Variants in ENOX1 observed in about 807,000 individuals in gnomAD.
ENOX1 encodes the protein ecto-NOX disulfide-thiol exchanger 1, also known as candidate growth-related and time keeping constitutive hydroquinone (NADH) oxidase.
ENOX1 carries 42 observed loss-of-function variants against 82.5 expected under a neutral mutation model. That is an observed-to-expected ratio of 0.51 (90% CI 0.40 to 0.66). The LOEUF (loss-of-function observed/expected upper bound fraction) is 0.66. ENOX1 is among the 30% of genes least tolerant of loss of function. ENOX1 has a pLI of 0.00. For missense variants in ENOX1, 608 were observed against 811.6 expected, an observed-to-expected ratio of 0.75 and a Z score of 3.05; for synonymous variants, 271 against 282.2, an observed-to-expected ratio of 0.96 and a Z score of 0.40.
chr13:43,306,846 C>T (rs1180519410), intron 11 of ENOX1, among the ~76,000 whole-genome samples: 1 of 135,130 alleles, frequency 7.4e-6, no homozygotes, highest in Non-Finnish European at 1.6e-5. Context: ...CGCACACACA[C>T]AGTTATATTA....
intron 2 of ENOX1, among the ~76,000 whole-genome samples, chr13:43,488,153 G>C (rs765359566): frequency 1.3e-5 from 2 of 152,208 alleles, no homozygotes; most frequent in African/African-American, 2.4e-5. Flanking sequence ...TAATCAAGGA[G>C]AGTTCTATGG....
chr13:43,686,392 A>C (rs1018947626), intron 1 of ENOX1, among the ~76,000 whole-genome samples: 3 of 152,176 alleles, frequency 2.0e-5, no homozygotes, highest in African/African-American at 7.2e-5. Context: ...ACATCCAATA[A>C]ATTTTGAAAG....
intron 12 of ENOX1, among the ~76,000 whole-genome samples, chr13:43,290,758 G>A (rs920471857): frequency 3.2e-4 from 49 of 152,178 alleles, no homozygotes; most frequent in African/African-American, 1.2e-3. Context: ...TGGGTGCAGC[G>A]GCTCCCGCCT....
chr13:43,377,016 T>A (rs1458503267), intron 5 of ENOX1, among the ~76,000 whole-genome samples: 1 of 152,196 alleles, frequency 6.6e-6, no homozygotes, highest in Non-Finnish European at 1.5e-5. Flanking sequence ...TTAGCTATGA[T>A]GTTCACTGCC....
chr13:43,725,238 AG>A (rs2088859941), intron 1 of ENOX1, among the ~76,000 whole-genome samples: 1 of 152,194 alleles, frequency 6.6e-6, no homozygotes, highest in African/African-American at 2.4e-5. Flanking sequence ...GAAACCAAAT[AG>A]GGTCTCCCTT....
intron 2 of ENOX1, among the ~76,000 whole-genome samples, chr13:43,594,087 G>C (rs1430997477): frequency 1.3e-5 from 2 of 152,192 alleles, no homozygotes; most frequent in Non-Finnish European, 2.9e-5. Flanking sequence ...AAGATGCACA[G>C]ATACTTCCCT....
chr13:43,474,494 T>A (rs886357311), intron 3 of ENOX1, among the ~76,000 whole-genome samples: 1 of 152,200 alleles, frequency 6.6e-6, no homozygotes, highest in Non-Finnish European at 1.5e-5. Flanking sequence ...TTAGACCTGT[T>A]AATCTAATTT....
chr13:43,771,901 A>T (rs1951634826), intron 1 of ENOX1, among the ~76,000 whole-genome samples: 1 of 150,114 alleles, frequency 6.7e-6, no homozygotes, highest in Non-Finnish European at 1.5e-5. Context: ...AGTAGCTGGG[A>T]ATACAGGCGC....
intron 9 of ENOX1, among the ~76,000 whole-genome samples, chr13:43,338,821 G>A (rs1165297201): frequency 1.3e-5 from 2 of 151,664 alleles, no homozygotes; most frequent in African/African-American, 4.8e-5. Context: ...GAGTATCTGG[G>A]ACTACAGGCG....
intron 2 of ENOX1, among the ~76,000 whole-genome samples, chr13:43,568,428 G>A (rs2080016593): frequency 6.6e-6 from 1 of 152,148 alleles, no homozygotes; most frequent in Non-Finnish European, 1.5e-5. Context: ...AAAAGACAGA[G>A]ACTCCTCTGG....
chr13:43,582,610 G>A (rs898305202), intron 2 of ENOX1, among the ~76,000 whole-genome samples: 18 of 151,828 alleles, frequency 1.2e-4, no homozygotes, highest in African/African-American at 3.9e-4. Flanking sequence ...GTCTCACTCT[G>A]TCACCCAGGC....
intron 3 of ENOX1, among the ~76,000 whole-genome samples, chr13:43,461,876 C>T (rs1270014738): frequency 6.6e-6 from 1 of 152,178 alleles, no homozygotes. Context: ...ATGTAATTAG[C>T]GCAATCACTT....
At chr13:43,756,969 C>CAAAAAA (rs1408849152) in intron 1 of ENOX1, among the ~76,000 whole-genome samples, 2 of 41,460 alleles carry the variant, frequency 4.8e-5, no homozygotes, top group African/African-American at 1.8e-4. Flanking sequence ...ACAAAAACAA[C>CAAAAAA]AACAAAAAAA....
intron 2 of ENOX1, among the ~76,000 whole-genome samples, chr13:43,590,753 G>T (rs1256900991): frequency 7.3e-6 from 1 of 136,940 alleles, no homozygotes; most frequent in East Asian, 2.0e-4. Context: ...TCTAGCCTGG[G>T]CGAAAAAGTG....
chr13:43,741,796 A>G (rs1204089329), intron 1 of ENOX1, among the ~76,000 whole-genome samples: 1 of 152,188 alleles, frequency 6.6e-6, no homozygotes, highest in Non-Finnish European at 1.5e-5. Flanking sequence ...TTAGTGTCAT[A>G]TTTAAGAAAC....
At chr13:43,555,354 G>A (rs1008727216) in intron 2 of ENOX1, among the ~76,000 whole-genome samples, 1 of 152,170 alleles carries the variant, frequency 6.6e-6, no homozygotes, top group African/African-American at 2.4e-5. Flanking sequence ...TCACAGTACT[G>A]TACGATACTT....
At position 43,412,874 on chromosome 13, in the gene ENOX1, G is replaced by A. The variant is rs757000152; in HGVS notation, c.41C>T (p.Pro14Leu). Residue 14 changes from proline (P) to leucine (L), a missense_variant, in exon 4 of 17, where the codon CCC becomes CTC. Transcript: ENST00000690772. Reference protein sequence around the residue: ...AGGVENITQLPQELPQMMAAA... With the variant: ...AGGVENITQLLQELPQMMAAA... Reference sequence around the variant, plus strand: ...AGCCATCATCTGAGGAAGCTCCTGGGGAAGCTGGGTGATGTTCTCAACTCC... The same window carrying A: ...AGCCATCATCTGAGGAAGCTCCTGGAGAAGCTGGGTGATGTTCTCAACTCC... 6.2e-7 allele frequency: 1 copy of A among 1,614,060 alleles called. No individual in the cohort carries two copies. Among genetic ancestry groups the A allele is most frequent in the South Asian group, 1.1e-5 (1 of 91,072 alleles).
chr13:43,423,707 G>C (rs778533976), intron 3 of ENOX1, among the ~76,000 whole-genome samples: 2 of 152,122 alleles, frequency 1.3e-5, no homozygotes, highest in East Asian at 1.9e-4. Context: ...TGTGGTCTTG[G>C]AAAGTGACTC....
intron 1 of ENOX1, among the ~76,000 whole-genome samples, chr13:43,688,317 C>T (rs886566521): frequency 6.6e-6 from 1 of 152,104 alleles, no homozygotes; most frequent in African/African-American, 2.4e-5. Context: ...ACTTAGGATG[C>T]TATTTCAGTA....
Sources: allele counts gnomAD v4.1 joint callset (sites outside exome capture counted in the v4.1 genomes callset), GRCh38; gene constraint gnomAD v4.1.1; transcripts MANE v1.5; gene names NCBI Gene and HGNC (gene_info 2026-07-23, HGNC 2026-07-21).